DYNC2H1: variants seen among roughly 807,000 people sequenced by gnomAD.
DYNC2H1 encodes the protein dynein cytoplasmic 2 heavy chain 1.
Under a neutral mutation model 570.0 loss-of-function variants are expected in DYNC2H1, and 410 were observed. The observed-to-expected ratio is 0.72, with a 90% CI of 0.66 to 0.78. The LOEUF (loss-of-function observed/expected upper bound fraction) is 0.78. Ranked by LOEUF, DYNC2H1 falls within the 30% of genes least tolerant of loss-of-function variation. The pLI is 0.00. For missense variants in DYNC2H1, 4,865 were observed against 5,046.4 expected (o/e 0.96, Z 1.09); for synonymous variants, 1,688 against 1,677.6 (o/e 1.01, Z -0.15).
At chr11:103,120,372 A>G (rs898041889) in intron 6 of DYNC2H1, 75 bp from the exon 7 acceptor site, 3 of 1,299,812 alleles carry the variant, frequency 2.3e-6, no homozygotes, top group African/African-American at 3.0e-5. Context: ...CTTGCCCAAT[A>G]TATCTAGATT....
rs1406947485 is a variant in DYNC2H1, at chr11:103,468,676, C to T, written c.12736C>T (p.Leu4246Phe). The change falls in exon 88 of 89, where the codon CTC (leucine) becomes TTC (phenylalanine). Residue 4246 changes from leucine (L) to phenylalanine (F), a missense_variant. Leu to Phe is a conservative substitution (Grantham distance 22). Transcript: ENST00000375735. ...QLDSPSVSSV[L>F]PCFMGWIPQD... ...TGATTCTCCCAGCGTGTCATCAGTG[C>T]TCCCTTGTTTTATGGGCTGGATTCC... The T allele has an allele frequency of 4.9e-5, 79 of 1,613,266 alleles. No individual in the cohort carries two copies. The highest frequency in any genetic ancestry group is 6.2e-5 in the Non-Finnish European group (73 of 1,179,502).
At chr11:103,127,415 C>T (rs967864181) in intron 12 of DYNC2H1, among the ~76,000 whole-genome samples, 2 of 152,124 alleles carry the variant, frequency 1.3e-5, no homozygotes, top group Non-Finnish European at 2.9e-5. Context: ...AGAATATATA[C>T]TATTGTATTG....
In DYNC2H1 at chr11:103,220,796, A is replaced by C; in HGVS notation, c.9107+13A>C. The stretch of plus-strand genomic sequence containing the variant: ...TGAGCATGAAAAGGTACATTTTTCA[A>C]TTTGTGAAAAATATTATTTCGGCAA... On this transcript the variant is annotated intron_variant, in intron 57 of 88. Coordinates refer to ENST00000375735, the MANE Select transcript of DYNC2H1 (RefSeq NM_001377.3). The C allele has an allele frequency of 6.3e-7, 1 of 1,592,038 alleles. No homozygotes were observed. The highest frequency in any genetic ancestry group is 8.5e-7 in the Non-Finnish European group (1 of 1,169,644).
chr11:103,263,415 T>C (rs936144266), intron 70 of DYNC2H1, among the ~76,000 whole-genome samples: 11 of 152,172 alleles, frequency 7.2e-5, no homozygotes, highest in African/African-American at 2.7e-4. Flanking sequence ...TACATTTTTC[T>C]CAGCACCACA....
chr11:103,175,499 T>G (rs1393471441), intron 36 of DYNC2H1, among the ~76,000 whole-genome samples: 1 of 152,214 alleles, frequency 6.6e-6, no homozygotes, highest in Non-Finnish European at 1.5e-5. Context: ...TTATGTGTAC[T>G]TAAGCATGGA....
At position 103,166,063 on chromosome 11, in the gene DYNC2H1, T is replaced by C; in HGVS notation, c.4762+15T>C. The C allele has an allele frequency of 6.8e-7, 1 of 1,480,360 alleles. No individual in the cohort carries two copies. The highest frequency in any genetic ancestry group is 1.5e-5 in the South Asian group (1 of 68,486). The allele number at this position is 1,480,360 out of a possible 1,614,324, so 91.7% of individuals were successfully genotyped here. A position where few individuals can be genotyped will look rare whatever the true frequency, so the allele number is the denominator to read the frequency against. Reference sequence around the variant, plus strand: ...AGGGAATACTGGTATGGAAAAGACATTCCCTTTTCTGCCTGGTTTTGGGTT... The same window carrying C: ...AGGGAATACTGGTATGGAAAAGACACTCCCTTTTCTGCCTGGTTTTGGGTT... On this transcript the variant is annotated intron_variant, in intron 31 of 88. Coordinates refer to ENST00000375735, the MANE Select transcript of DYNC2H1 (RefSeq NM_001377.3).
intron 76 of DYNC2H1, among the ~76,000 whole-genome samples, chr11:103,304,272 G>A (rs1867178471): frequency 6.6e-6 from 1 of 152,038 alleles, no homozygotes; most frequent in Non-Finnish European, 1.5e-5. Flanking sequence ...ACTAAGTCTA[G>A]AGAGTTCTAG....
intron 82 of DYNC2H1, among the ~76,000 whole-genome samples, chr11:103,356,550 C>T (rs1940351568): frequency 6.6e-6 from 1 of 152,092 alleles, no homozygotes; most frequent in Non-Finnish European, 1.5e-5. Context: ...AAATTTAAAA[C>T]ACGAATAAGT....
chr11:103,223,417 C>T (rs576126871), intron 59 of DYNC2H1, among the ~76,000 whole-genome samples: 15 of 150,870 alleles, frequency 9.9e-5, no homozygotes, highest in East Asian at 6.0e-4. Context: ...GACACAGTTT[C>T]GCTCTTGTTG....
At chr11:103,215,400 G>T (rs1863339031) in intron 54 of DYNC2H1, among the ~76,000 whole-genome samples, 1 of 152,078 alleles carries the variant, frequency 6.6e-6, no homozygotes, top group Non-Finnish European at 1.5e-5. Flanking sequence ...TGTCTATTTT[G>T]ATGATTATCT....
chr11:103,358,893 G>A (rs942777672), intron 83 of DYNC2H1, among the ~76,000 whole-genome samples: 2 of 152,128 alleles, frequency 1.3e-5, no homozygotes, highest in African/African-American at 4.8e-5. Context: ...TATGAAAATG[G>A]AATAATTTGC....
chr11:103,437,398 T>G (rs2135756830), intron 85 of DYNC2H1, among the ~76,000 whole-genome samples: 1 of 152,226 alleles, frequency 6.6e-6, no homozygotes, highest in South Asian at 2.1e-4. Flanking sequence ...TCATCTCTTC[T>G]TACTCTGTTT....
At chr11:103,253,019 T>C (rs1864897827) in intron 65 of DYNC2H1, among the ~76,000 whole-genome samples, 1 of 152,186 alleles carries the variant, frequency 6.6e-6, no homozygotes, top group South Asian at 2.1e-4. Flanking sequence ...AACATATTAA[T>C]GTTAAAACCA....
In DYNC2H1 at chr11:103,209,981, G is replaced by T; in HGVS notation, c.8539+21G>T. ...TTCAGGTAGTATTTTGATAAAATCA[G>T]TTTGATCTGGTTTTTATTTATGAAA... On this transcript the variant is annotated intron_variant, in intron 53 of 88. Coordinates refer to ENST00000375735, the MANE Select transcript of DYNC2H1 (RefSeq NM_001377.3). This position sits in a 1 kb window ranked among gnomAD's most constrained non-coding sequence, Gnocchi z 4.2. 6.9e-7 allele frequency: 1 copy of T among 1,446,334 alleles called. No homozygotes were observed. Among genetic ancestry groups the T allele is most frequent in the Non-Finnish European group, 9.1e-7 (1 of 1,096,838 alleles). The allele number at this position is 1,446,334 out of a possible 1,614,324, so 89.6% of individuals were successfully genotyped here.
chr11:103,110,654 A>G lies in DYNC2H1; in HGVS notation c.195+885A>G, dbSNP rs184589258. ...TTTGCAATCAGGGCTTATATATATA[A>G]GCCTAAAAGAAAAACACAGAAGAAA... On this transcript the variant is annotated intron_variant, in intron 1 of 88. Coordinates refer to ENST00000375735, the MANE Select transcript of DYNC2H1 (RefSeq NM_001377.3). Among the ~76,000 whole-genome samples, 211 of 152,294 alleles carry G rather than the reference A, an allele frequency of 1.4e-3. 2 individuals are homozygous for G. The highest frequency in any genetic ancestry group is 4.7e-3 in the African/African-American group (194 of 41,564).
chr11:103,122,897 G>A lies in DYNC2H1; in HGVS notation c.1558G>A (p.Ala520Thr), dbSNP rs1278062112. 4 of 1,612,908 alleles carry A rather than the reference G, an allele frequency of 2.5e-6. No homozygotes were observed. Among genetic ancestry groups the A allele is most frequent in the Non-Finnish European group, 1.7e-6 (2 of 1,179,462 alleles). Residue 520 changes from alanine (A) to threonine (T), a missense_variant, in exon 11 of 89, where the codon GCC becomes ACC. Ala to Thr is a moderately conservative substitution (Grantham distance 58). Transcript: ENST00000375735. Reference protein sequence around the residue: ...LPGFRCFHQSAKDLLDQLKLY... With the variant: ...LPGFRCFHQSTKDLLDQLKLY... ...AGGATTTCGATGTTTCCATCAAAGT[G>A]CCAAAGATCTCTTAGACCAGCTTAA...
chr11:103,419,375 C>T (rs898992394), intron 84 of DYNC2H1, among the ~76,000 whole-genome samples: 2 of 152,114 alleles, frequency 1.3e-5, no homozygotes, highest in African/African-American at 4.8e-5. Flanking sequence ...CTCCTACAGG[C>T]ACATTTGGGC....
rs1027960223 is a variant in DYNC2H1, at chr11:103,416,647, C to G, written c.12366+16775C>G. 7.2e-5 allele frequency among the ~76,000 whole-genome samples: 11 copies of G among 152,256 alleles called. No homozygotes were observed. The East Asian group carries it at 2.1e-3, about 29-fold the overall frequency. On this transcript the variant is annotated intron_variant, in intron 84 of 88. Transcript: ENST00000375735. ...CTGGACCCCTTCCTTACACCTTATA[C>G]AAAAGTTAACTCAATATGGGTTAAA...
intron 70 of DYNC2H1, among the ~76,000 whole-genome samples, chr11:103,274,881 G>C (rs1486822178): frequency 6.6e-6 from 1 of 151,922 alleles, no homozygotes; most frequent in African/African-American, 2.4e-5. Flanking sequence ...GAAGACCTGA[G>C]GTCAGGAGTT....
Sources: allele counts gnomAD v4.1 joint callset (sites outside exome capture counted in the v4.1 genomes callset), GRCh38; gene constraint gnomAD v4.1.1; non-coding constraint Gnocchi (gnomAD v3.1); transcripts MANE v1.5; gene names NCBI Gene and HGNC (gene_info 2026-07-23, HGNC 2026-07-21).